SYT17: variants seen among roughly 807,000 people sequenced by gnomAD.
The protein encoded by SYT17 is synaptotagmin 17, also known as synaptotagmin-17.
Under a neutral mutation model 46.7 loss-of-function variants are expected in SYT17, and 22 were observed. The ratio of observed to expected loss-of-function variants is 0.47; its 90% CI spans 0.34 to 0.67. SYT17 has a LOEUF of 0.67. SYT17 is among the 30% of genes least tolerant of loss of function. SYT17 has a pLI of 0.01. For missense variants in SYT17, 519 were observed against 612.8 expected (o/e 0.85, Z 1.62); for synonymous variants, 251 against 248.4 (o/e 1.01, Z -0.10).
chr16:19,177,454 A>T (rs964963421), intron 3 of SYT17, among the ~76,000 whole-genome samples: 10 of 152,208 alleles, frequency 6.6e-5, no homozygotes, highest in Non-Finnish European at 1.3e-4. Context: ...AGATGGCTAA[A>T]TCATTCAGAA....
intron 5 of SYT17, among the ~76,000 whole-genome samples, chr16:19,214,632 C>T (rs543915752): frequency 3.3e-5 from 5 of 152,212 alleles, no homozygotes; most frequent in South Asian, 2.1e-4. Flanking sequence ...CCCAAGTGAA[C>T]GATGTTATTC....
At chr16:19,179,892 T>C (rs1964477868) in intron 3 of SYT17, among the ~76,000 whole-genome samples, 1 of 152,256 alleles carries the variant, frequency 6.6e-6, no homozygotes, top group Non-Finnish European at 1.5e-5. Flanking sequence ...TCAGGGCCAT[T>C]TCTGCCGCGC....
intron 5 of SYT17, among the ~76,000 whole-genome samples, chr16:19,200,148 G>C (rs1161101229): frequency 1.3e-5 from 2 of 152,204 alleles, no homozygotes; most frequent in African/African-American, 4.8e-5. Flanking sequence ...AATCACCAAG[G>C]CCTCAGGTTA....
chr16:19,180,281 A>G (rs1229078350), intron 3 of SYT17, 110 bp from the exon 4 acceptor site: 13 of 1,207,880 alleles, frequency 1.1e-5, no homozygotes, highest in Non-Finnish European at 1.5e-5. Context: ...TCCATGTTGC[A>G]TAAAATGAGT....
chr16:19,192,846 A>T (rs911002302), intron 5 of SYT17, among the ~76,000 whole-genome samples: 3 of 152,174 alleles, frequency 2.0e-5, no homozygotes, highest in African/African-American at 7.2e-5. Context: ...TTACTTTAAC[A>T]AGCATCCGAA....
chr16:19,220,724 A>G (rs12325230), intron 5 of SYT17, among the ~76,000 whole-genome samples: 2,368 of 152,300 alleles, frequency 0.016, 65 homozygotes, highest in African/African-American at 0.054. Flanking sequence ...CAAATACAGC[A>G]TAGACAAATG....
chr16:19,209,684 C>A (rs1965816833), intron 5 of SYT17, among the ~76,000 whole-genome samples: 1 of 150,658 alleles, frequency 6.6e-6, no homozygotes, highest in Admixed American at 6.6e-5. Context: ...TCCTGGCTAA[C>A]ATGGTGAAAC....
chr16:19,191,786 TTTTG>T (rs1191685913), intron 5 of SYT17, among the ~76,000 whole-genome samples: 1 of 152,096 alleles, frequency 6.6e-6, no homozygotes, highest in Non-Finnish European at 1.5e-5. Flanking sequence ...TTTTGTTTTG[TTTTG>T]TTTTTTTGTT....
At chr16:19,188,418 A>G (rs1964867636) in intron 5 of SYT17, among the ~76,000 whole-genome samples, 1 of 151,130 alleles carries the variant, frequency 6.6e-6, no homozygotes, top group Non-Finnish European at 1.5e-5. Flanking sequence ...GAAATAATCT[A>G]TACAACAATC....
intron 5 of SYT17, among the ~76,000 whole-genome samples, chr16:19,193,589 G>C (rs1319534135): frequency 6.6e-6 from 1 of 152,170 alleles, no homozygotes; most frequent in African/African-American, 2.4e-5. Flanking sequence ...TGACACCTGG[G>C]AAAGTCATCT....
chr16:19,262,691 G>T (rs1477233794), intron 7 of SYT17, among the ~76,000 whole-genome samples: 1 of 152,208 alleles, frequency 6.6e-6, no homozygotes, highest in Non-Finnish European at 1.5e-5. Flanking sequence ...CATAGTTAGA[G>T]GACGTTGGTC....
chr16:19,261,665 G>A (rs1200476529), intron 7 of SYT17, among the ~76,000 whole-genome samples: 1 of 152,186 alleles, frequency 6.6e-6, no homozygotes, highest in Admixed American at 6.5e-5. Flanking sequence ...CCCAGAGAGA[G>A]CCACTCTGAA....
intron 2 of SYT17, 103 bp from the exon 3 acceptor site, chr16:19,173,327 C>A (rs1302849002): frequency 2.8e-6 from 2 of 719,544 alleles, no homozygotes; most frequent in Admixed American, 5.8e-5. Flanking sequence ...CATCCGAGAT[C>A]GGCTGCTTGT....
intron 5 of SYT17, among the ~76,000 whole-genome samples, chr16:19,220,660 C>T (rs1476012544): frequency 6.6e-6 from 1 of 152,094 alleles, no homozygotes; most frequent in Non-Finnish European, 1.5e-5. Flanking sequence ...ATGATATGTA[C>T]AGGGACCACA....
At chr16:19,252,470 C>T (rs1433374075) in intron 7 of SYT17, among the ~76,000 whole-genome samples, 3 of 3,748 alleles carry the variant, frequency 8.0e-4, no homozygotes, top group African/African-American at 2.0e-3. Flanking sequence ...TATATATATA[C>T]ATATATATAT....
chr16:19,204,412 G>A lies in SYT17; in HGVS notation c.952-18633G>A, dbSNP rs140364396. On this transcript the variant is annotated intron_variant, in intron 5 of 7. Transcript: ENST00000355377. ...TGGAGGATTTTTTGGAGTTGGAAAC[G>A]ACACGAGGGCAGAGGGTGAGGGAGG... Among the ~76,000 whole-genome samples the A allele has an allele frequency of 4.8e-3, 734 of 152,184 alleles. 5 individuals are homozygous for A. The highest frequency in any genetic ancestry group is 8.1e-3 in the Non-Finnish European group (549 of 68,002).
At position 19,183,586 on chromosome 16, in the gene SYT17, C is replaced by T. The variant is rs78637824; in HGVS notation, c.390C>T (p.Gly130=). ...TCGATATTAAACCCATCGAGTTTGG[C>T]GTTCTCAGCGCCAAGAAGGAGCCCA... The part of the protein sequence containing the change: ...PLIDIKPIEF[G]VLSAKKEPIQ... The change falls in exon 5 of 8, where the codon GGC becomes GGT. Residue 130 remains glycine (G), a synonymous_variant. Coordinates refer to ENST00000355377, the MANE Select transcript of SYT17 (RefSeq NM_016524.4). This position sits in a 1 kb window ranked among gnomAD's most constrained non-coding sequence, Gnocchi z 5.6. The T allele has an allele frequency of 0.024, 37,949 of 1,614,118 alleles. 503 individuals are homozygous for T. Among genetic ancestry groups the T allele is most frequent in the Non-Finnish European group, 0.027 (31,710 of 1,180,016 alleles).
intron 5 of SYT17, among the ~76,000 whole-genome samples, chr16:19,215,465 G>C (rs1966059167): frequency 6.6e-6 from 1 of 152,100 alleles, no homozygotes; most frequent in Non-Finnish European, 1.5e-5. Flanking sequence ...TTTCTCAGTT[G>C]CCAAGGATCT....
At position 19,252,482 on chromosome 16, in the gene SYT17, C is replaced by CAT. The variant is rs547067243; in HGVS notation, c.1229-14388_1229-14387dup. On this transcript the variant is annotated intron_variant, in intron 7 of 7. Coordinates refer to ENST00000355377, the MANE Select transcript of SYT17 (RefSeq NM_016524.4). ...ACATATATATATACATATATATATACATATATATATACATATATATATACA... is the reference window on the plus strand; with the variant it reads ...ACATATATATATACATATATATATACATATATATATATACATATATATATACA... Among the ~76,000 whole-genome samples the CAT allele has an allele frequency of 2.1e-3, 10 of 4,842 alleles. 4 individuals are homozygous for CAT. Among genetic ancestry groups the CAT allele is most frequent in the Non-Finnish European group, 2.9e-3 (10 of 3,400 alleles). 3.2% of individuals were successfully genotyped at this position (4,842 alleles called of 152,430 possible). A position where few individuals can be genotyped will look rare whatever the true frequency, so the allele number is the denominator to read the frequency against.
Sources: allele counts gnomAD v4.1 joint callset (sites outside exome capture counted in the v4.1 genomes callset), GRCh38; gene constraint gnomAD v4.1.1; non-coding constraint Gnocchi (gnomAD v3.1); transcripts MANE v1.5; gene names NCBI Gene and HGNC (gene_info 2026-07-23, HGNC 2026-07-21).